Variants in EMP2 observed in about 807,000 individuals in gnomAD.
EMP2 encodes epithelial membrane protein 2.
EMP2 carries 19 observed loss-of-function variants against 13.7 expected under a neutral mutation model. The ratio of observed to expected loss-of-function variants is 1.38; its 90% CI spans 0.97 to 2.03. The LOEUF is 2.03. Among genes scored for constraint, EMP2 ranks in the 30% most tolerant of loss-of-function variants. The pLI, the probability that EMP2 is intolerant of heterozygous loss-of-function variation, is 0.00. For synonymous variants in EMP2, 97 were observed against 84.7 expected (o/e 1.15, Z -0.80); for missense variants, 253 against 220.7 (o/e 1.15, Z -0.93).
At chr16:10,563,438 T>G (rs1190485265) in intron 1 of EMP2, among the ~76,000 whole-genome samples, 1 of 152,206 alleles carries the variant, frequency 6.6e-6, no homozygotes, top group African/African-American at 2.4e-5. Context: ...ATGATCCACC[T>G]GCCTTGGTCT....
At chr16:10,579,297 G>T (rs2051005836) in intron 1 of EMP2, among the ~76,000 whole-genome samples, 1 of 152,170 alleles carries the variant, frequency 6.6e-6, no homozygotes. Flanking sequence ...GCAATAATGT[G>T]TCGGTTCTTA....
intron 3 of EMP2, among the ~76,000 whole-genome samples, chr16:10,541,440 G>A (rs778166864): frequency 2.6e-5 from 4 of 152,084 alleles, no homozygotes; most frequent in African/African-American, 4.8e-5. Flanking sequence ...TTTTAAAAAT[G>A]TAAAAACTGT....
At chr16:10,565,151 T>G (rs1596380356) in intron 1 of EMP2, among the ~76,000 whole-genome samples, 1 of 152,092 alleles carries the variant, frequency 6.6e-6, no homozygotes, top group African/African-American at 2.4e-5. Context: ...TTTGAAGAGG[T>G]GAAAGAGAAT....
intron 1 of EMP2, among the ~76,000 whole-genome samples, chr16:10,549,777 T>C (rs906360283): frequency 2.6e-5 from 4 of 151,836 alleles, no homozygotes; most frequent in African/African-American, 7.3e-5. Flanking sequence ...TCTGAACCAC[T>C]TGAGAGTAAG....
intron 3 of EMP2, among the ~76,000 whole-genome samples, chr16:10,543,294 G>A (rs1477475897): frequency 2.6e-5 from 4 of 152,250 alleles, no homozygotes; most frequent in South Asian, 2.1e-4. Context: ...GGATGAGAAC[G>A]GGAAACTCGG....
chr16:10,542,407 C>G (rs540887418), intron 3 of EMP2, among the ~76,000 whole-genome samples: 1 of 149,308 alleles, frequency 6.7e-6, no homozygotes, highest in African/African-American at 2.5e-5. Context: ...CAAAAACAAA[C>G]AAACAAACAA....
At chr16:10,563,237 G>C (rs1453844634) in intron 1 of EMP2, among the ~76,000 whole-genome samples, 1 of 152,020 alleles carries the variant, frequency 6.6e-6, no homozygotes, top group Non-Finnish European at 1.5e-5. Flanking sequence ...TGTCACCCAG[G>C]CTGGAGTGCA....
chr16:10,547,945 G>A (rs975769672), intron 1 of EMP2, among the ~76,000 whole-genome samples: 1 of 152,154 alleles, frequency 6.6e-6, no homozygotes, highest in African/African-American at 2.4e-5. Context: ...GAGGCAGGAA[G>A]ATTGCTTGAG....
At chr16:10,578,883 C>T (rs902293992) in intron 1 of EMP2, among the ~76,000 whole-genome samples, 2 of 152,242 alleles carry the variant, frequency 1.3e-5, no homozygotes, top group Admixed American at 6.5e-5. Flanking sequence ...TTTGCCAAGG[C>T]CCCCGTGGGC....
At chr16:10,569,447 C>T (rs373595888) in intron 1 of EMP2, among the ~76,000 whole-genome samples, 3 of 152,144 alleles carry the variant, frequency 2.0e-5, no homozygotes, top group African/African-American at 7.2e-5. Flanking sequence ...ATCCTTTTGC[C>T]TCAGCCTCCT....
chr16:10,575,080 G>C (rs985116599), intron 1 of EMP2, among the ~76,000 whole-genome samples: 3 of 151,702 alleles, frequency 2.0e-5, no homozygotes, highest in African/African-American at 7.3e-5. Flanking sequence ...ACTGTTCCTT[G>C]TTGCCTGAAC....
At chr16:10,550,692 A>T (rs2050780428) in intron 1 of EMP2, among the ~76,000 whole-genome samples, 1 of 152,042 alleles carries the variant, frequency 6.6e-6, no homozygotes, top group Non-Finnish European at 1.5e-5. Context: ...ATACTTTGTA[A>T]GGCTGGGCAT....
intron 1 of EMP2, among the ~76,000 whole-genome samples, chr16:10,578,636 G>C (rs1042146912): frequency 4.6e-5 from 7 of 152,198 alleles, no homozygotes; most frequent in African/African-American, 1.4e-4. Context: ...CACCCACTCA[G>C]CTGGTCGACT....
chr16:10,549,742 C>CACAG, intron 1 of EMP2, among the ~76,000 whole-genome samples: 1 of 151,648 alleles, frequency 6.6e-6, no homozygotes, highest in Non-Finnish European at 1.5e-5. Context: ...CACACACACA[C>CACAG]ACACACATAC....
Position 10,540,779 on chromosome 16 carries a change from C to T in EMP2, c.170-2705G>A, listed in dbSNP as rs531807107. 9.2e-5 allele frequency among the ~76,000 whole-genome samples: 14 copies of T among 152,172 alleles called. No homozygotes were observed. The East Asian group carries it at 9.7e-4, about 10-fold the overall frequency. ...TTATGGCAAGTGATACTAGTTTATA[C>T]GAGTGATAACACTCATGGGAGGGAT... On this transcript the variant is annotated intron_variant, in intron 3 of 4. Transcript: ENST00000359543.
chr16:10,573,930 CTTTTTTTTTT>C (rs371646297), intron 1 of EMP2, among the ~76,000 whole-genome samples: 201 of 83,208 alleles, frequency 2.4e-3, no homozygotes, highest in African/African-American at 1.0e-2. Context: ...ATGGATAAAC[CTTTTTTTTTT>C]TTTTTTTTTT....
chr16:10,573,490 G>T (rs1485240396), intron 1 of EMP2, among the ~76,000 whole-genome samples: 1 of 152,112 alleles, frequency 6.6e-6, no homozygotes, highest in Non-Finnish European at 1.5e-5. Context: ...CTTGTCTCTG[G>T]ATTTTCAAAA....
rs1465762207 is a variant in EMP2 at position 10,543,602 on chromosome 16, G to A, written c.137C>T (p.Thr46Met). The A allele has an allele frequency of 6.2e-6, 10 of 1,614,092 alleles. No individual in the cohort carries two copies. The East Asian group carries it at 6.7e-5, about 11-fold the overall frequency. The change falls in exon 3 of 5, where the codon ACG (threonine) becomes ATG (methionine). Residue 46 changes from threonine (T) to methionine (M), a missense_variant. Coordinates refer to ENST00000359543, the MANE Select transcript of EMP2 (RefSeq NM_001424.6). ...ADVWRICTNN[T>M]NCTVINDSFQ... ...GCTGTCATTGATGACTGTGCAATTC[G>A]TGTTGTTGGTACATATTCTCCAGAC...
intron 4 of EMP2, among the ~76,000 whole-genome samples, chr16:10,534,163 G>A (rs557638497): frequency 6.6e-6 from 1 of 152,164 alleles, no homozygotes; most frequent in Non-Finnish European, 1.5e-5. Context: ...GATGAGGGAG[G>A]AGAAAGCTTT....
Sources: gnomAD v4.1 joint callset for allele counts (sites outside exome capture counted in the v4.1 genomes callset) on GRCh38, gnomAD v4.1.1 for gene constraint, MANE v1.5 for transcripts, NCBI Gene and HGNC (gene_info 2026-07-23, HGNC 2026-07-21) for gene names.